CLUL1: variants seen among roughly 807,000 people sequenced by gnomAD.
CLUL1 encodes clusterin like 1, also known as clusterin-like protein 1.
Under a neutral mutation model 49.4 loss-of-function variants are expected in CLUL1, and 43 were observed. That is an observed-to-expected ratio of 0.87 (90% CI 0.68 to 1.12). CLUL1 has a LOEUF of 1.12. CLUL1 is among the 50% of genes most tolerant of loss of function. The pLI is 0.00. For synonymous variants in CLUL1, 192 were observed against 184.9 expected (o/e 1.04, Z -0.31); for missense variants, 486 against 544.4 (o/e 0.89, Z 1.07).
At chr18:635,407 C>T (rs564273751) in intron 7 of CLUL1, among the ~76,000 whole-genome samples, 2 of 152,206 alleles carry the variant, frequency 1.3e-5, no homozygotes, top group African/African-American at 4.8e-5. Flanking sequence ...GCTCACCTGC[C>T]GCTCACCTCC....
intron 2 of CLUL1, among the ~76,000 whole-genome samples, chr18:608,876 T>C (rs576844224): frequency 2.0e-5 from 3 of 152,326 alleles, no homozygotes; most frequent in Admixed American, 1.3e-4. Context: ...ATGCATATAA[T>C]TTACTTGACC....
At chr18:626,888 AAAG>A (rs1294456549) in intron 5 of CLUL1, among the ~76,000 whole-genome samples, 141 of 530 alleles carry the variant, frequency 0.27, 5 homozygotes, top group Non-Finnish European at 0.5. Context: ...AGAAAGAAAG[AAAG>A]AAAGAAAGAA....
chr18:639,469 A>G (rs2144162292), intron 7 of CLUL1, among the ~76,000 whole-genome samples: 1 of 149,108 alleles, frequency 6.7e-6, no homozygotes, highest in Middle Eastern at 3.4e-3. Context: ...ACAAACATGA[A>G]ACGGGCACAT....
At chr18:634,021 G>A (rs1470613926) in intron 7 of CLUL1, among the ~76,000 whole-genome samples, 1 of 152,216 alleles carries the variant, frequency 6.6e-6, no homozygotes, top group African/African-American at 2.4e-5. Context: ...ATTCTGGACA[G>A]AGGACAAAAT....
At chr18:625,723 C>T (rs2073666988) in intron 5 of CLUL1, among the ~76,000 whole-genome samples, 1 of 152,208 alleles carries the variant, frequency 6.6e-6, no homozygotes, top group Admixed American at 6.5e-5. Flanking sequence ...ATTTTTCTCC[C>T]CCTTCAAGAA....
chr18:613,567 G>A (rs1210880368), intron 2 of CLUL1, among the ~76,000 whole-genome samples: 1 of 150,858 alleles, frequency 6.6e-6, no homozygotes, highest in Non-Finnish European at 1.5e-5. Context: ...CAATCCTCCT[G>A]TCTCAGCCTC....
At chr18:638,889 T>C (rs1016166037) in intron 7 of CLUL1, among the ~76,000 whole-genome samples, 4 of 151,580 alleles carry the variant, frequency 2.6e-5, no homozygotes, top group Admixed American at 2.0e-4. Context: ...GTCACCTAGA[T>C]TGAGAAATAG....
At chr18:647,858 C>A (rs144223455) in intron 9 of CLUL1, among the ~76,000 whole-genome samples, 7 of 152,282 alleles carry the variant, frequency 4.6e-5, no homozygotes, top group Non-Finnish European at 8.8e-5. Flanking sequence ...GACATTTACC[C>A]ATGTGACTCT....
chr18:613,064 T>C (rs1302260704), intron 2 of CLUL1: 3 of 338,120 alleles, frequency 8.9e-6, no homozygotes, highest in African/African-American at 4.3e-5. Flanking sequence ...ACTAGATCTT[T>C]TTCATGAAAG....
intron 1 of CLUL1, among the ~76,000 whole-genome samples, chr18:602,181 A>T (rs2072849874): frequency 6.6e-6 from 1 of 152,254 alleles, no homozygotes; most frequent in Non-Finnish European, 1.5e-5. Flanking sequence ...ACAAAGATTT[A>T]CTGAATACTT....
intron 7 of CLUL1, among the ~76,000 whole-genome samples, chr18:637,207 C>T (rs1186435284): frequency 2.0e-5 from 3 of 151,546 alleles, no homozygotes; most frequent in Non-Finnish European, 2.9e-5. Context: ...AGGATGGTCT[C>T]GATCTCCTGA....
chr18:620,549 C>T (rs1271340672), intron 4 of CLUL1, among the ~76,000 whole-genome samples: 2 of 152,146 alleles, frequency 1.3e-5, no homozygotes, highest in Admixed American at 1.3e-4. Flanking sequence ...TAGAGGATCC[C>T]CTTTTCCCCA....
Position 617,418 on chromosome 18 carries a change from A to C in CLUL1, c.-13-570A>C, listed in dbSNP as rs943160198. ...GAGACCAGCCTGACCCACATGGAGA[A>C]ACTCCATCTCTACTAAAAATACAAA... is the stretch of plus-strand genomic sequence containing the variant. On this transcript the variant is annotated intron_variant, in intron 2 of 9. Transcript: ENST00000692774. 3.3e-5 allele frequency among the ~76,000 whole-genome samples: 5 copies of C among 152,040 alleles called. No homozygotes were observed. In the East Asian group the frequency reaches 9.7e-4, roughly 29 times the overall value.
intron 2 of CLUL1, among the ~76,000 whole-genome samples, chr18:615,434 C>T (rs951709497): frequency 1.3e-5 from 2 of 152,162 alleles, no homozygotes; most frequent in African/African-American, 4.8e-5. Context: ...AAACTGGTTC[C>T]GTTTTCAACA....
chr18:623,552 G>A (rs2073571366), intron 4 of CLUL1, among the ~76,000 whole-genome samples: 1 of 150,546 alleles, frequency 6.6e-6, no homozygotes, highest in Admixed American at 6.7e-5. Flanking sequence ...GGCTGAGGCA[G>A]GAGAATCTCT....
At chr18:639,252 C>A (rs2074256744) in intron 7 of CLUL1, among the ~76,000 whole-genome samples, 1 of 150,548 alleles carries the variant, frequency 6.6e-6, no homozygotes, top group African/African-American at 2.4e-5. Context: ...TGGTGAAACC[C>A]CATCTCTATT....
intron 4 of CLUL1, among the ~76,000 whole-genome samples, chr18:624,433 A>G (rs1328298630): frequency 6.6e-6 from 1 of 152,206 alleles, no homozygotes; most frequent in Non-Finnish European, 1.5e-5. Context: ...GACAGCATAA[A>G]TGAAAGAATT....
chr18:630,725 T>C, intron 6 of CLUL1, among the ~76,000 whole-genome samples: 1 of 140,444 alleles, frequency 7.1e-6, no homozygotes, highest in Non-Finnish European at 1.5e-5. Flanking sequence ...TCTCGCTCTG[T>C]CTTCAGGCTG....
intron 4 of CLUL1, among the ~76,000 whole-genome samples, chr18:620,312 A>G (rs144224219): frequency 2.7e-4 from 41 of 151,212 alleles, no homozygotes; most frequent in African/African-American, 9.0e-4. Flanking sequence ...CAGCTCTGCC[A>G]TTTGCTTTTG....
Sources: gnomAD v4.1 joint callset for allele counts (sites outside exome capture counted in the v4.1 genomes callset) on GRCh38, gnomAD v4.1.1 for gene constraint, MANE v1.5 for transcripts, NCBI Gene and HGNC (gene_info 2026-07-23, HGNC 2026-07-21) for gene names.